The following SYK variants were observed in gnomAD, a reference collection of about 807,000 sequenced individuals.
SYK encodes the protein spleen associated tyrosine kinase.
SYK carries 16 observed loss-of-function variants against 77.8 expected under a neutral mutation model. The ratio of observed to expected loss-of-function variants is 0.21; its 90% CI spans 0.14 to 0.31. The LOEUF is 0.31. SYK is among the 10% of genes least tolerant of loss of function. SYK has a pLI of 1.00. For synonymous variants in SYK, 312 were observed against 308.7 expected, an observed-to-expected ratio of 1.01 and a Z score of -0.11; for missense variants, 529 against 814.4, an observed-to-expected ratio of 0.65 and a Z score of 4.26.
intron 3 of SYK, among the ~76,000 whole-genome samples, chr9:90,854,074 G>A (rs1826926185): frequency 6.6e-6 from 1 of 152,110 alleles, no homozygotes; most frequent in Non-Finnish European, 1.5e-5. Flanking sequence ...GCAGCACCAT[G>A]TCATGGTCAC....
chr9:90,805,097 C>T (rs1200104163), intron 1 of SYK, among the ~76,000 whole-genome samples: 1 of 152,206 alleles, frequency 6.6e-6, no homozygotes, highest in Non-Finnish European at 1.5e-5. Context: ...TGTTACAGTA[C>T]ATTTAATAAA....
intron 1 of SYK, among the ~76,000 whole-genome samples, chr9:90,830,884 C>T (rs1235528233): frequency 6.6e-6 from 1 of 152,174 alleles, no homozygotes; most frequent in Admixed American, 6.5e-5. Context: ...CACACCCGGC[C>T]TCCTCTTTCT....
chr9:90,825,806 T>C (rs1342968499), intron 1 of SYK, among the ~76,000 whole-genome samples: 1 of 152,142 alleles, frequency 6.6e-6, no homozygotes, highest in African/African-American at 2.4e-5. Context: ...TGTGGGAGGC[T>C]GAGACGTGAG....
intron 12 of SYK, among the ~76,000 whole-genome samples, chr9:90,888,208 A>G (rs1394086511): frequency 6.6e-6 from 1 of 152,210 alleles, no homozygotes; most frequent in Non-Finnish European, 1.5e-5. Flanking sequence ...TAATTAAAAC[A>G]TATATACCAA....
chr9:90,879,365 C>T (rs771306229), intron 11 of SYK, among the ~76,000 whole-genome samples: 4 of 152,220 alleles, frequency 2.6e-5, no homozygotes, highest in Non-Finnish European at 5.9e-5. Context: ...CACTGCATTT[C>T]TCAAACCAGA....
In SYK at chr9:90,876,460, C is replaced by T. The variant is rs190255119; in HGVS notation, c.1182-1111C>T. 9.6e-3 allele frequency among the ~76,000 whole-genome samples: 1,463 copies of T among 152,224 alleles called. 11 individuals are homozygous for T. The highest frequency in any genetic ancestry group is 0.017 in the Non-Finnish European group (1,145 of 68,008). On this transcript the variant is annotated intron_variant, in intron 9 of 13. Coordinates refer to ENST00000375754, the MANE Select transcript of SYK (RefSeq NM_003177.7). ...ACATTCACAAGTATATACATGCGCACATATATACACACACAATCAAAATTG... is the reference window on the plus strand; with the variant it reads ...ACATTCACAAGTATATACATGCGCATATATATACACACACAATCAAAATTG...
chr9:90,875,302 A>G (rs1452352354), intron 9 of SYK, among the ~76,000 whole-genome samples: 1 of 152,084 alleles, frequency 6.6e-6, no homozygotes, highest in African/African-American at 2.4e-5. Flanking sequence ...TAGTGCACAC[A>G]TATACTTCCA....
chr9:90,879,005 A>G (rs1187264400), intron 11 of SYK, 52 bp downstream of exon 11: 5 of 1,336,102 alleles, frequency 3.7e-6, no homozygotes, highest in Non-Finnish European at 4.2e-6. Flanking sequence ...AAAATGCAAG[A>G]TAAATGTACG....
chr9:90,865,433 G>A lies in SYK; in HGVS notation c.846+336G>A, dbSNP rs552093406. Among the ~76,000 whole-genome samples the A allele has an allele frequency of 4.0e-5, 6 of 151,718 alleles. No individual in the cohort carries two copies. In the South Asian group the frequency reaches 6.2e-4, roughly 16 times the overall value. ...AGCCATTCTCATGCCTCAGCCTCCC[G>A]AGTAGCTGGGATTACAGGTGCCTGC... On this transcript the variant is annotated intron_variant, in intron 6 of 13. Transcript: ENST00000375754.
intron 7 of SYK, among the ~76,000 whole-genome samples, chr9:90,871,867 G>T (rs1259076844): frequency 1.3e-5 from 2 of 152,162 alleles, no homozygotes; most frequent in Non-Finnish European, 2.9e-5. Flanking sequence ...TCTGTGTTGG[G>T]CAGCATGGAA....
intron 4 of SYK, among the ~76,000 whole-genome samples, chr9:90,863,989 A>G (rs1827370675): frequency 6.6e-6 from 1 of 152,150 alleles, no homozygotes; most frequent in Admixed American, 6.5e-5. Context: ...AATATTCCTC[A>G]TTGTATATTT....
chr9:90,809,300 A>G (rs925631727), intron 1 of SYK, among the ~76,000 whole-genome samples: 1 of 152,234 alleles, frequency 6.6e-6, no homozygotes, highest in Non-Finnish European at 1.5e-5. Flanking sequence ...CCGATTAGAA[A>G]CGGGCTCAGA....
At chr9:90,865,332 G>T (rs1827442467) in intron 6 of SYK, among the ~76,000 whole-genome samples, 1 of 150,982 alleles carries the variant, frequency 6.6e-6, no homozygotes, top group Non-Finnish European at 1.5e-5. Flanking sequence ...TGGAGATGGA[G>T]TGTCTCACTC....
chr9:90,861,968 C>G (rs1445168714), intron 3 of SYK, among the ~76,000 whole-genome samples: 2 of 152,160 alleles, frequency 1.3e-5, no homozygotes, highest in Non-Finnish European at 1.5e-5. Flanking sequence ...CACCAACCTG[C>G]TAGCATTTCC....
At chr9:90,812,125 G>C (rs374327133) in intron 1 of SYK, among the ~76,000 whole-genome samples, 1 of 120,052 alleles carries the variant, frequency 8.3e-6, no homozygotes, top group Middle Eastern at 4.6e-3. Context: ...AGCAGCTTTG[G>C]GGGGAGGGGA....
intron 6 of SYK, among the ~76,000 whole-genome samples, chr9:90,866,750 C>A (rs1166709485): frequency 2.0e-5 from 3 of 152,156 alleles, no homozygotes; most frequent in African/African-American, 7.2e-5. Flanking sequence ...AATTTTCCAC[C>A]GTGGAACCAG....
chr9:90,888,716 C>T (rs1053532059), intron 13 of SYK, 89 bp downstream of exon 13: 16 of 1,027,960 alleles, frequency 1.6e-5, no homozygotes, highest in Non-Finnish European at 2.1e-5. Flanking sequence ...TAAAGTTCAC[C>T]TTTTCATGAA....
rs1285523702 is a variant in SYK, at chr9:90,884,834, T to C, written c.1582-2915T>C. Among the ~76,000 whole-genome samples, 2 of 73,548 alleles carry C rather than the reference T, an allele frequency of 2.7e-5. 1 individual carries two copies. The highest frequency in any genetic ancestry group is 1.1e-4 in the African/African-American group (2 of 18,234). 48.3% of individuals were successfully genotyped at this position (73,548 alleles called of 152,430 possible). ...ACATACACATATACACATATGTGTGTATATACATATACACACATATGTGTG... is the reference window on the plus strand; with the variant it reads ...ACATACACATATACACATATGTGTGCATATACATATACACACATATGTGTG... On this transcript the variant is annotated intron_variant, in intron 11 of 13. Transcript: ENST00000375754.
Position 90,897,347 on chromosome 9 carries a change from T to C in SYK, c.*1747T>C, listed in dbSNP as rs2119021201. The C allele has an allele frequency of 4.3e-6, 1 of 231,324 alleles. No homozygotes were observed. The highest frequency in any genetic ancestry group is 6.1e-5 in the East Asian group (1 of 16,348). The allele number at this position is 231,324 out of a possible 1,614,324, so 14.3% of individuals were successfully genotyped here. A position where few individuals can be genotyped will look rare whatever the true frequency, so the allele number is the denominator to read the frequency against. ...TTTTAAAGACAGAATCCCTGAGTGC[T>C]GAGCAGATTCTCAAAACACATTTAG... On this transcript the variant is annotated 3_prime_UTR_variant, in exon 14 of 14. Coordinates refer to ENST00000375754, the MANE Select transcript of SYK (RefSeq NM_003177.7).
Sources: gnomAD v4.1 joint callset for allele counts (sites outside exome capture counted in the v4.1 genomes callset) on GRCh38, gnomAD v4.1.1 for gene constraint, MANE v1.5 for transcripts, NCBI Gene and HGNC (gene_info 2026-07-23, HGNC 2026-07-21) for gene names.